Variants in GOLGA4 observed in about 807,000 individuals in gnomAD.
GOLGA4 encodes golgin subfamily A member 4.
In GOLGA4, 169 loss-of-function variants were observed where a neutral mutation model predicts 265.9. That is an observed-to-expected ratio of 0.64 (90% CI 0.56 to 0.72). The LOEUF (loss-of-function observed/expected upper bound fraction) is 0.72. GOLGA4 is among the 30% of genes least tolerant of loss of function. The probability of loss-of-function intolerance (pLI) is 0.00; values close to 1 mark genes in which losing one functional copy is unlikely to be tolerated. For synonymous variants in GOLGA4, 923 were observed against 855.8 expected, an observed-to-expected ratio of 1.08 and a Z score of -1.37; for missense variants, 2,482 against 2,483.4, an observed-to-expected ratio of 1.00 and a Z score of 0.01.
chr3:37,283,653 G>A (rs1024399332), intron 3 of GOLGA4, among the ~76,000 whole-genome samples: 1 of 152,052 alleles, frequency 6.6e-6, no homozygotes, highest in African/African-American at 2.4e-5. Context: ...GCTCCCTCAA[G>A]TAGCTGGGAC....
chr3:37,243,888 G>C, intron 1 of GOLGA4: 1 of 510,010 alleles, frequency 2.0e-6, no homozygotes, highest in African/African-American at 2.0e-5. Flanking sequence ...TCCGTTAAGA[G>C]TTTTCTCCTA....
chr3:37,250,906 C>G (rs1398837351), intron 1 of GOLGA4, among the ~76,000 whole-genome samples: 1 of 151,948 alleles, frequency 6.6e-6, no homozygotes, highest in Non-Finnish European at 1.5e-5. Context: ...TGGGCAAGTG[C>G]TGTTTATCTG....
chr3:37,300,677 T>C (rs565209186), intron 9 of GOLGA4, among the ~76,000 whole-genome samples: 1 of 152,236 alleles, frequency 6.6e-6, no homozygotes, highest in African/African-American at 2.4e-5. Context: ...CCAAGAAATT[T>C]TATCATTTTT....
chr3:37,340,990 AC>A (rs2097031886), intron 20 of GOLGA4, among the ~76,000 whole-genome samples: 2 of 152,096 alleles, frequency 1.3e-5, no homozygotes, highest in African/African-American at 4.8e-5. Flanking sequence ...ACATGGTGAA[AC>A]CCCATCTCTA....
At position 37,324,543 on chromosome 3, in the gene GOLGA4, A is replaced by G; in HGVS notation, c.2657A>G (p.Gln886Arg). 2 of 1,613,954 alleles carry G rather than the reference A, an allele frequency of 1.2e-6. No individual in the cohort carries two copies. The highest frequency in any genetic ancestry group is 1.1e-5 in the South Asian group (1 of 91,036). ...EMEQKVKSLT[Q>R]VYESKLEDGN... ...GAGCAAAAAGTAAAATCTTTAACCC[A>G]AGTCTATGAGTCCAAACTTGAAGAT... is the stretch of plus-strand genomic sequence containing the variant. The change falls in exon 14 of 24, where the codon CAA (glutamine) becomes CGA (arginine). Residue 886 changes from glutamine to arginine, a missense_variant. Physicochemically the swap from Gln to Arg is conservative, Grantham distance 43. Coordinates refer to ENST00000361924, the MANE Select transcript of GOLGA4 (RefSeq NM_002078.5).
intron 19 of GOLGA4, among the ~76,000 whole-genome samples, chr3:37,338,037 A>G (rs1346424745): frequency 6.6e-6 from 1 of 152,218 alleles, no homozygotes; most frequent in Non-Finnish European, 1.5e-5. Context: ...TCGGAGAGAA[A>G]ATAGTCATCT....
chr3:37,244,424 A>G (rs17206772), intron 1 of GOLGA4, among the ~76,000 whole-genome samples: 3,422 of 152,322 alleles, frequency 0.022, 80 homozygotes, highest in Non-Finnish European at 0.037. Context: ...AGGCGTGTTA[A>G]GTAGTATTAA....
intron 22 of GOLGA4, among the ~76,000 whole-genome samples, chr3:37,355,771 C>G (rs1317344001): frequency 6.6e-6 from 1 of 151,934 alleles, no homozygotes; most frequent in Non-Finnish European, 1.5e-5. Context: ...TTATTTTTGC[C>G]CTGGGCCAGT....
intron 12 of GOLGA4, 81 bp downstream of exon 12, chr3:37,319,275 A>T (rs1051724622): frequency 6.0e-6 from 7 of 1,166,814 alleles, no homozygotes; most frequent in Non-Finnish European, 8.4e-6. Flanking sequence ...GTTGCATTCC[A>T]GTTGGAAGTC....
chr3:37,291,080 G>C (rs1225755367), intron 5 of GOLGA4, among the ~76,000 whole-genome samples: 4 of 152,132 alleles, frequency 2.6e-5, no homozygotes, highest in Non-Finnish European at 4.4e-5. Flanking sequence ...TTAATGATTA[G>C]ATATACATAG....
Position 37,327,853 on chromosome 3 carries a change from T to C in GOLGA4, c.5939+28T>C, listed in dbSNP as rs773581580. 2.0e-6 allele frequency: 3 copies of C among 1,536,766 alleles called. No individual in the cohort carries two copies. The African/African-American group carries it at 4.1e-5, about 21-fold the overall frequency. The stretch of plus-strand genomic sequence containing the variant: ...AAGTTTTATTTCAGCTTGAATATTT[T>C]TATGGCAGTCCTTCTTAATTAAGTC... On this transcript the variant is annotated intron_variant, in intron 14 of 23. Transcript: ENST00000361924.
At chr3:37,330,251 A>G (rs986498840) in intron 16 of GOLGA4, among the ~76,000 whole-genome samples, 1 of 152,140 alleles carries the variant, frequency 6.6e-6, no homozygotes. Flanking sequence ...AGTGTAGTTA[A>G]GTAATTTCCC....
chr3:37,346,604 C>T (rs189807200), intron 20 of GOLGA4, among the ~76,000 whole-genome samples: 5 of 152,234 alleles, frequency 3.3e-5, no homozygotes, highest in Non-Finnish European at 5.9e-5. Flanking sequence ...CTTTTATAAA[C>T]AGTGTAAGTA....
chr3:37,307,449 A>G (rs11718606), intron 10 of GOLGA4, among the ~76,000 whole-genome samples: 46,608 of 152,132 alleles, frequency 0.31, 8,152 homozygotes, highest in Non-Finnish European at 0.4. Flanking sequence ...TTATGTAACA[A>G]AATTTTCTTG....
intron 5 of GOLGA4, among the ~76,000 whole-genome samples, chr3:37,292,306 G>T (rs773179895): frequency 1.1e-4 from 17 of 152,176 alleles, no homozygotes; most frequent in Admixed American, 5.9e-4. Flanking sequence ...GAAGGGAGTT[G>T]TCATAGGGCC....
chr3:37,297,723 A>G (rs2096882219), intron 7 of GOLGA4, among the ~76,000 whole-genome samples: 1 of 152,112 alleles, frequency 6.6e-6, no homozygotes, highest in African/African-American at 2.4e-5. Flanking sequence ...ATAGCAGAAT[A>G]TTGGTGTAAG....
intron 10 of GOLGA4, among the ~76,000 whole-genome samples, chr3:37,314,544 G>A (rs2096931738): frequency 6.6e-6 from 1 of 151,938 alleles, no homozygotes; most frequent in Admixed American, 6.6e-5. Context: ...GGGAGGCTGA[G>A]GCAGGAGTAT....
intron 17 of GOLGA4, among the ~76,000 whole-genome samples, chr3:37,336,186 AAGTT>A (rs1486325734): frequency 3.9e-5 from 6 of 152,074 alleles, no homozygotes; most frequent in Non-Finnish European, 7.4e-5. Context: ...TTTAATAGCT[AAGTT>A]AGTTCTGTTT....
intron 13 of GOLGA4, 55 bp downstream of exon 13, chr3:37,321,941 A>G: frequency 7.0e-7 from 1 of 1,422,612 alleles, no homozygotes; most frequent in African/African-American, 1.4e-5. Flanking sequence ...GCATATGAAA[A>G]TTTGTTGTCT....
Sources: gnomAD v4.1 joint callset for allele counts (sites outside exome capture counted in the v4.1 genomes callset) on GRCh38, gnomAD v4.1.1 for gene constraint, MANE v1.5 for transcripts, NCBI Gene and HGNC (gene_info 2026-07-23, HGNC 2026-07-21) for gene names.